Variants in AUH observed in about 807,000 individuals in gnomAD.
The protein encoded by AUH is methylglutaconyl-CoA hydratase, mitochondrial.
In AUH, 29 loss-of-function variants were observed where a neutral mutation model predicts 42.3. The ratio of observed to expected loss-of-function variants is 0.69; its 90% CI spans 0.51 to 0.93. The LOEUF (loss-of-function observed/expected upper bound fraction) is 0.93, where lower values mean the gene tolerates loss of function less well. AUH is among the 40% of genes least tolerant of loss of function. The probability of loss-of-function intolerance (pLI) is 0.00; values close to 1 mark genes in which losing one functional copy is unlikely to be tolerated. For synonymous variants in AUH, 174 were observed against 166.4 expected (o/e 1.05, Z -0.35); for missense variants, 452 against 438.1 (o/e 1.03, Z -0.28).
chr9:91,357,864 T>C (rs934381006), intron 1 of AUH, among the ~76,000 whole-genome samples: 4 of 152,192 alleles, frequency 2.6e-5, no homozygotes, highest in Non-Finnish European at 5.9e-5. Context: ...AAGCCAGAAA[T>C]ATCCTTACAG....
At chr9:91,343,792 A>G (rs1270827684) in intron 3 of AUH, among the ~76,000 whole-genome samples, 1 of 152,254 alleles carries the variant, frequency 6.6e-6, no homozygotes, top group African/African-American at 2.4e-5. Flanking sequence ...TAAAAGGATA[A>G]GGAATAATAT....
At chr9:91,325,055 G>T in intron 4 of AUH, among the ~76,000 whole-genome samples, 1 of 152,092 alleles carries the variant, frequency 6.6e-6, no homozygotes, top group African/African-American at 2.4e-5. Context: ...GATATTGTAA[G>T]TCAAAGGCTT....
chr9:91,360,922 G>A (rs1266131594), intron 1 of AUH, among the ~76,000 whole-genome samples: 2 of 152,178 alleles, frequency 1.3e-5, no homozygotes, highest in Non-Finnish European at 2.9e-5. Flanking sequence ...TGCACTGCCA[G>A]TGAAAGGAAC....
rs144780789 is a variant in AUH at position 91,351,374 on chromosome 9, T to C, written c.418+4509A>G. Among the ~76,000 whole-genome samples, 129 of 152,362 alleles carry C rather than the reference T, an allele frequency of 8.5e-4. 1 individual carries two copies. Among genetic ancestry groups the C allele is most frequent in the African/African-American group, 2.8e-3 (117 of 41,588 alleles). ...GTAACAGGTTATTTTCCACACTCCA[T>C]GTATATCACTTTATAAGTATCGTAT... is the stretch of plus-strand genomic sequence containing the variant. On this transcript the variant is annotated intron_variant, in intron 3 of 9. Coordinates refer to ENST00000375731, the MANE Select transcript of AUH (RefSeq NM_001698.3).
intron 6 of AUH, among the ~76,000 whole-genome samples, chr9:91,249,211 C>T (rs1828971415): frequency 7.1e-6 from 1 of 140,228 alleles, no homozygotes; most frequent in Non-Finnish European, 1.5e-5. Flanking sequence ...GTGGGGGGAT[C>T]ACCTGAGCCT....
chr9:91,250,200 C>A (rs984310847), intron 6 of AUH, among the ~76,000 whole-genome samples: 6 of 152,144 alleles, frequency 3.9e-5, no homozygotes, highest in Non-Finnish European at 8.8e-5. Context: ...CACCTGCTGC[C>A]CAGCACATGG....
intron 3 of AUH, among the ~76,000 whole-genome samples, chr9:91,332,767 G>A (rs189514872): frequency 1.3e-5 from 2 of 152,240 alleles, no homozygotes; most frequent in East Asian, 3.9e-4. Flanking sequence ...TATTATAAAA[G>A]GAGAAATGCG....
At chr9:91,266,830 A>G (rs528782472) in intron 6 of AUH, among the ~76,000 whole-genome samples, 1 of 152,232 alleles carries the variant, frequency 6.6e-6, no homozygotes, top group African/African-American at 2.4e-5. Context: ...GGTAACTTAG[A>G]GGTATGTATA....
intron 3 of AUH, among the ~76,000 whole-genome samples, chr9:91,333,721 G>GA (rs972151742): frequency 7.9e-5 from 12 of 152,248 alleles, no homozygotes; most frequent in Admixed American, 3.9e-4. Flanking sequence ...GCACTCTGGT[G>GA]AAAAAATCAC....
intron 9 of AUH, 89 bp from the exon 10 acceptor site, chr9:91,214,514 C>T (rs1320813723): frequency 9.1e-7 from 1 of 1,103,234 alleles, no homozygotes; most frequent in Admixed American, 2.4e-5. Context: ...TACTTAGAAC[C>T]ACATTCTAAA....
chr9:91,343,550 G>C (rs1831260439), intron 3 of AUH, among the ~76,000 whole-genome samples: 1 of 152,166 alleles, frequency 6.6e-6, no homozygotes, highest in African/African-American at 2.4e-5. Context: ...GCGGCCTTGA[G>C]GCCAGGAGTC....
chr9:91,260,901 T>C (rs1325137278), intron 6 of AUH, among the ~76,000 whole-genome samples: 1 of 152,216 alleles, frequency 6.6e-6, no homozygotes, highest in Non-Finnish European at 1.5e-5. Flanking sequence ...CAGTACCTAA[T>C]CTGCTGTTAC....
intron 3 of AUH, among the ~76,000 whole-genome samples, chr9:91,331,743 G>C (rs1203227208): frequency 6.6e-6 from 1 of 152,168 alleles, no homozygotes; most frequent in African/African-American, 2.4e-5. Context: ...GGATTAGTAT[G>C]TATTAAATTT....
At chr9:91,295,898 G>T in intron 6 of AUH, 123 bp downstream of exon 6, 1 of 1,089,468 alleles carries the variant, frequency 9.2e-7, no homozygotes, top group Non-Finnish European at 1.4e-6. Context: ...TGCTAGGGAT[G>T]CAAACAATAT....
intron 6 of AUH, among the ~76,000 whole-genome samples, chr9:91,258,654 A>G (rs1554698032): frequency 6.6e-6 from 1 of 152,248 alleles, no homozygotes; most frequent in Non-Finnish European, 1.5e-5. Flanking sequence ...GCAGAAAAGC[A>G]TATAGTTTTT....
At chr9:91,306,168 C>T (rs967173852) in intron 4 of AUH, among the ~76,000 whole-genome samples, 4 of 152,274 alleles carry the variant, frequency 2.6e-5, no homozygotes, top group Non-Finnish European at 4.4e-5. Flanking sequence ...CCCCAGTACA[C>T]GACTCTATAG....
chr9:91,251,919 T>A (rs1829148326), intron 6 of AUH, among the ~76,000 whole-genome samples: 1 of 152,184 alleles, frequency 6.6e-6, no homozygotes, highest in Non-Finnish European at 1.5e-5. Flanking sequence ...ACAAAATCTA[T>A]CAATCTTCGG....
intron 7 of AUH, chr9:91,218,985 A>G: frequency 1.0e-6 from 1 of 985,438 alleles, no homozygotes; most frequent in African/African-American, 1.7e-5. Context: ...TTAACAATCA[A>G]CATTCTGAAG....
At chr9:91,249,733 C>T (rs1829018544) in intron 6 of AUH, among the ~76,000 whole-genome samples, 1 of 151,962 alleles carries the variant, frequency 6.6e-6, no homozygotes, top group Non-Finnish European at 1.5e-5. Flanking sequence ...GGGTTCTGGC[C>T]GGGTGCAGTG....
Sources: allele counts gnomAD v4.1 joint callset (sites outside exome capture counted in the v4.1 genomes callset), GRCh38; gene constraint gnomAD v4.1.1; transcripts MANE v1.5; gene names NCBI Gene and HGNC (gene_info 2026-07-23, HGNC 2026-07-21).